Variants in HPSE2 observed in about 807,000 individuals in gnomAD.
HPSE2 encodes the protein inactive heparanase-2.
A neutral mutation model predicts 60.5 loss-of-function variants in HPSE2; 38 were observed. That is an observed-to-expected ratio of 0.63 (90% CI 0.48 to 0.82). The LOEUF (loss-of-function observed/expected upper bound fraction) is 0.82, where lower values mean the gene tolerates loss of function less well. Among genes scored for constraint, HPSE2 ranks in the 40% least tolerant of loss-of-function variants. The pLI, the probability that HPSE2 is intolerant of heterozygous loss-of-function variation, is 0.00. For synonymous variants in HPSE2, 295 were observed against 293.2 expected (o/e 1.01, Z -0.06); for missense variants, 713 against 740.4 (o/e 0.96, Z 0.43).
At chr10:98,564,587 T>C (rs1392551302) in intron 9 of HPSE2, among the ~76,000 whole-genome samples, 3 of 152,330 alleles carry the variant, frequency 2.0e-5, no homozygotes, top group Admixed American at 2.0e-4. Context: ...ATCCACTAGT[T>C]CACAGCACAA....
intron 3 of HPSE2, among the ~76,000 whole-genome samples, chr10:99,076,403 T>C (rs1842952699): frequency 6.6e-6 from 1 of 152,176 alleles, no homozygotes; most frequent in Non-Finnish European, 1.5e-5. Context: ...ATATTTTCTT[T>C]TTGATACATA....
At chr10:99,113,284 A>G (rs1844545176) in intron 3 of HPSE2, among the ~76,000 whole-genome samples, 1 of 152,208 alleles carries the variant, frequency 6.6e-6, no homozygotes, top group African/African-American at 2.4e-5. Flanking sequence ...AGCTCCATAA[A>G]ACTAGTACAT....
chr10:98,506,237 G>C (rs1003140313), intron 9 of HPSE2, among the ~76,000 whole-genome samples: 9 of 152,030 alleles, frequency 5.9e-5, no homozygotes, highest in Non-Finnish European at 1.3e-4. Flanking sequence ...TTAAGAAATG[G>C]TCCTAGATCT....
chr10:99,101,677 A>C (rs148206208), intron 3 of HPSE2, among the ~76,000 whole-genome samples: 2,504 of 152,332 alleles, frequency 0.016, 61 homozygotes, highest in African/African-American at 0.057. Context: ...TCAACAGAAT[A>C]TACATTCTTC....
At chr10:99,153,783 T>C (rs890488539) in intron 2 of HPSE2, among the ~76,000 whole-genome samples, 110 of 152,274 alleles carry the variant, frequency 7.2e-4, no homozygotes, top group African/African-American at 2.5e-3. Flanking sequence ...AGAAGAAGGC[T>C]TCAGACGATC....
intron 3 of HPSE2, among the ~76,000 whole-genome samples, chr10:99,112,351 T>C (rs1472754170): frequency 1.3e-5 from 2 of 152,190 alleles, no homozygotes; most frequent in African/African-American, 2.4e-5. Context: ...ACCATTCTCC[T>C]GCCTCAGCCT....
At chr10:98,505,643 A>C (rs1208892189) in intron 9 of HPSE2, among the ~76,000 whole-genome samples, 3 of 152,166 alleles carry the variant, frequency 2.0e-5, no homozygotes, top group Non-Finnish European at 4.4e-5. Context: ...TTCTTTTTAA[A>C]CTTTTAAAGT....
intron 3 of HPSE2, among the ~76,000 whole-genome samples, chr10:99,008,451 T>G (rs1241516178): frequency 1.3e-5 from 2 of 152,176 alleles, no homozygotes; most frequent in Non-Finnish European, 2.9e-5. Flanking sequence ...GAAACAGAAG[T>G]CAATTAGCTT....
At chr10:98,633,434 G>A (rs7478385) in intron 7 of HPSE2, among the ~76,000 whole-genome samples, 17 of 152,160 alleles carry the variant, frequency 1.1e-4, no homozygotes, top group African/African-American at 3.6e-4. Flanking sequence ...GGTTGGCCTC[G>A]AACTCCTGGC....
At chr10:99,043,334 A>T (rs7080142) in intron 3 of HPSE2, among the ~76,000 whole-genome samples, 7,537 of 152,108 alleles carry the variant, frequency 0.05, 625 homozygotes, top group African/African-American at 0.17. Context: ...AATACAAAAA[A>T]TTAGCTGGGC....
intron 3 of HPSE2, among the ~76,000 whole-genome samples, chr10:98,826,083 T>A (rs1951540416): frequency 6.6e-6 from 1 of 152,234 alleles, no homozygotes; most frequent in Non-Finnish European, 1.5e-5. Context: ...ATTCTCTGCA[T>A]TGTATCTATC....
At chr10:98,855,988 G>A (rs765666598) in intron 3 of HPSE2, among the ~76,000 whole-genome samples, 3 of 152,126 alleles carry the variant, frequency 2.0e-5, no homozygotes, top group Admixed American at 6.6e-5. Flanking sequence ...TTGCAATGAG[G>A]TAACCATAGC....
chr10:98,627,802 T>C (rs1005944382), intron 7 of HPSE2, among the ~76,000 whole-genome samples: 1 of 152,260 alleles, frequency 6.6e-6, no homozygotes, highest in Non-Finnish European at 1.5e-5. Flanking sequence ...CATAAGCTTG[T>C]GTTTGAATGA....
intron 3 of HPSE2, among the ~76,000 whole-genome samples, chr10:98,916,452 AT>A (rs1454301884): frequency 6.6e-6 from 1 of 152,232 alleles, no homozygotes; most frequent in Non-Finnish European, 1.5e-5. Context: ...GAAAACTGAT[AT>A]ATGACTCTCT....
At chr10:98,978,579 G>T (rs1261997689) in intron 3 of HPSE2, among the ~76,000 whole-genome samples, 1 of 152,072 alleles carries the variant, frequency 6.6e-6, no homozygotes, top group Non-Finnish European at 1.5e-5. Flanking sequence ...ACTTACTTCA[G>T]CTTCTATATG....
intron 3 of HPSE2, among the ~76,000 whole-genome samples, chr10:98,889,559 T>C (rs1433644662): frequency 6.6e-6 from 1 of 152,130 alleles, no homozygotes; most frequent in East Asian, 1.9e-4. Flanking sequence ...GTGGTTGGTA[T>C]CTATTGGCAA....
At chr10:98,484,119 T>C (rs1157433736) in intron 10 of HPSE2, among the ~76,000 whole-genome samples, 2 of 152,250 alleles carry the variant, frequency 1.3e-5, no homozygotes, top group African/African-American at 4.8e-5. Flanking sequence ...GCAGCATTTT[T>C]TCATTTGCCA....
chr10:98,475,165 T>G (rs1163639872), intron 11 of HPSE2, among the ~76,000 whole-genome samples: 1 of 150,216 alleles, frequency 6.7e-6, no homozygotes, highest in Non-Finnish European at 1.5e-5. Context: ...TCGCCCAGGC[T>G]GAAGTGCAGT....
chr10:99,197,932 G>A (rs1265806131), intron 2 of HPSE2, among the ~76,000 whole-genome samples: 1 of 152,038 alleles, frequency 6.6e-6, no homozygotes, highest in Non-Finnish European at 1.5e-5. Context: ...TTAGCCAGGT[G>A]TGGTGGCGCA....
Sources: allele counts gnomAD v4.1 joint callset (sites outside exome capture counted in the v4.1 genomes callset), GRCh38; gene constraint gnomAD v4.1.1; transcripts MANE v1.5; gene names NCBI Gene and HGNC (gene_info 2026-07-23, HGNC 2026-07-21).